The following IL1RAPL1 variants were observed in gnomAD, a reference collection of about 807,000 sequenced individuals.
IL1RAPL1 encodes interleukin-1 receptor accessory protein-like 1.
In IL1RAPL1, 3 loss-of-function variants were observed where a neutral mutation model predicts 48.4. The observed-to-expected ratio is 0.06, with a 90% CI of 0.03 to 0.16. The LOEUF (loss-of-function observed/expected upper bound fraction) is 0.16, where lower values mean the gene tolerates loss of function less well. IL1RAPL1 is among the 10% of genes least tolerant of loss of function. IL1RAPL1 has a pLI of 1.00. For missense variants in IL1RAPL1, 349 were observed against 530.6 expected, an observed-to-expected ratio of 0.66 and a Z score of 3.36; for synonymous variants, 185 against 187.7, an observed-to-expected ratio of 0.99 and a Z score of 0.12.
intron 3 of IL1RAPL1, among the ~76,000 whole-genome samples, chrX:29,363,855 C>T (rs1027308242): frequency 1.8e-5 from 2 of 111,244 alleles, no homozygotes; most frequent in African/African-American, 6.6e-5. Context: ...GATCCAATCA[C>T]CTCTCACCAG....
intron 6 of IL1RAPL1, among the ~76,000 whole-genome samples, chrX:29,813,802 C>T (rs1411650746): frequency 9.0e-6 from 1 of 111,071 alleles, no homozygotes; most frequent in Non-Finnish European, 1.9e-5. Flanking sequence ...TCTATATGTA[C>T]TCAATTTTTA....
chrX:29,887,896 G>A lies in IL1RAPL1; in HGVS notation c.779-29568G>A, dbSNP rs140810887. Among the ~76,000 whole-genome samples the A allele has an allele frequency of 8.3e-3, 920 of 111,176 alleles. 12 individuals carry two copies. Among genetic ancestry groups the A allele is most frequent in the African/African-American group, 0.028 (849 of 30,656 alleles). Reference sequence around the variant, plus strand: ...CAGAGAAGGAGAAAAGGGCTTTATCGTGAAGAAAAATGACTGATGGAGCTC... The same window carrying A: ...CAGAGAAGGAGAAAAGGGCTTTATCATGAAGAAAAATGACTGATGGAGCTC... On this transcript the variant is annotated intron_variant, in intron 6 of 10. Coordinates refer to ENST00000378993, the MANE Select transcript of IL1RAPL1 (RefSeq NM_014271.4).
At chrX:29,643,550 CAT>C (rs1367102835) in intron 5 of IL1RAPL1, among the ~76,000 whole-genome samples, 1 of 112,144 alleles carries the variant, frequency 8.9e-6, no homozygotes, top group Non-Finnish European at 1.9e-5. Flanking sequence ...AGTTAGATAA[CAT>C]ATTGCATATT....
At chrX:29,379,348 C>A (rs757516361) in intron 3 of IL1RAPL1, among the ~76,000 whole-genome samples, 4 of 112,248 alleles carry the variant, frequency 3.6e-5, no homozygotes. Flanking sequence ...TGCAGGAAAG[C>A]CAGCCCCACT....
At chrX:29,799,324 A>G (rs1167059291) in intron 6 of IL1RAPL1, among the ~76,000 whole-genome samples, 1 of 112,118 alleles carries the variant, frequency 8.9e-6, no homozygotes, top group Non-Finnish European at 1.9e-5. Context: ...TCTTTCTTTT[A>G]TAGCTTCTTC....
rs1466701805 is a variant in IL1RAPL1 at position 28,809,638 on chromosome X, T to A, written c.82+20213T>A. On this transcript the variant is annotated intron_variant, in intron 2 of 10. Coordinates refer to ENST00000378993, the MANE Select transcript of IL1RAPL1 (RefSeq NM_014271.4). Reference sequence around the variant, plus strand: ...GTTTTCAAAGGGTGCAGAGCAATGATTGGAGGAGTAAAATGGAAGGAAATG... The same window carrying A: ...GTTTTCAAAGGGTGCAGAGCAATGAATGGAGGAGTAAAATGGAAGGAAATG... Among the ~76,000 whole-genome samples, 3 of 110,453 alleles carry A rather than the reference T, an allele frequency of 2.7e-5. No individual in the cohort carries two copies. The Admixed American group carries it at 2.9e-4, about 11-fold the overall frequency.
At chrX:28,762,163 G>A (rs1465083844) in intron 1 of IL1RAPL1, among the ~76,000 whole-genome samples, 6 of 111,033 alleles carry the variant, frequency 5.4e-5, no homozygotes, top group African/African-American at 2.0e-4. Context: ...AATCCAGAAG[G>A]AAATATATGA....
At chrX:29,853,449 C>A (rs1030841777) in intron 6 of IL1RAPL1, among the ~76,000 whole-genome samples, 4 of 111,277 alleles carry the variant, frequency 3.6e-5, no homozygotes, top group African/African-American at 1.3e-4. Context: ...AAGAACAAGA[C>A]CCTGTCTCAT....
chrX:28,615,726 G>C (rs1488893908), intron 1 of IL1RAPL1, among the ~76,000 whole-genome samples: 1 of 110,613 alleles, frequency 9.0e-6, no homozygotes, highest in Non-Finnish European at 1.9e-5. Flanking sequence ...CTATTTCTGT[G>C]AGGTACCAGA....
intron 3 of IL1RAPL1, among the ~76,000 whole-genome samples, chrX:29,307,771 T>C (rs1932648305): frequency 8.9e-6 from 1 of 112,218 alleles, no homozygotes. Context: ...CAATGCTTTC[T>C]TATAGCAATC....
intron 2 of IL1RAPL1, among the ~76,000 whole-genome samples, chrX:29,074,141 T>A (rs1287759658): frequency 1.8e-5 from 2 of 111,965 alleles, no homozygotes; most frequent in Non-Finnish European, 3.8e-5. Flanking sequence ...ATTTTTCAGT[T>A]ATGGAAGGTG....
intron 6 of IL1RAPL1, among the ~76,000 whole-genome samples, chrX:29,898,392 C>T (rs953759367): frequency 8.1e-5 from 9 of 111,713 alleles, no homozygotes; most frequent in Non-Finnish European, 1.3e-4. Flanking sequence ...ATTCAGAATG[C>T]GCATCGTATC....
intron 1 of IL1RAPL1, among the ~76,000 whole-genome samples, chrX:28,705,121 A>G (rs1935360330): frequency 9.0e-6 from 1 of 111,620 alleles, no homozygotes; most frequent in African/African-American, 3.3e-5. Flanking sequence ...ATTCTTTTGG[A>G]TTGTTCTAAG....
At chrX:29,034,851 CTT>C (rs762954379) in intron 2 of IL1RAPL1, among the ~76,000 whole-genome samples, 4 of 100,030 alleles carry the variant, frequency 4.0e-5, no homozygotes, top group South Asian at 4.5e-4. Flanking sequence ...GTATTTAATT[CTT>C]TTTTTTTTTT....
intron 1 of IL1RAPL1, among the ~76,000 whole-genome samples, chrX:28,696,965 T>C (rs2146928076): frequency 8.9e-6 from 1 of 111,812 alleles, no homozygotes; most frequent in East Asian, 2.8e-4. Flanking sequence ...ATGAGCATGA[T>C]TGGGTAAAGA....
intron 6 of IL1RAPL1, among the ~76,000 whole-genome samples, chrX:29,695,765 T>TA (rs1177190795): frequency 9.0e-6 from 1 of 111,403 alleles, no homozygotes; most frequent in East Asian, 2.8e-4. Flanking sequence ...CGTTACAACA[T>TA]ATGAATTCTG....
At chrX:29,848,809 A>T (rs1412761748) in intron 6 of IL1RAPL1, among the ~76,000 whole-genome samples, 1 of 110,975 alleles carries the variant, frequency 9.0e-6, no homozygotes, top group African/African-American at 3.3e-5. Flanking sequence ...TCTGTCACCC[A>T]GGTTGGAGTG....
chrX:29,551,320 A>G lies in IL1RAPL1; in HGVS notation c.704-117110A>G, dbSNP rs16988651. Among the ~76,000 whole-genome samples, 865 of 112,198 alleles carry G rather than the reference A, an allele frequency of 7.7e-3. 5 individuals carry two copies. Among genetic ancestry groups the G allele is most frequent in the African/African-American group, 0.027 (827 of 30,880 alleles). On this transcript the variant is annotated intron_variant, in intron 5 of 10. Coordinates refer to ENST00000378993, the MANE Select transcript of IL1RAPL1 (RefSeq NM_014271.4). ...AAATATATTTTGTTACGTGCTGATGAATTGAATATGAAGACTAATAAATTG... is the reference window on the plus strand; with the variant it reads ...AAATATATTTTGTTACGTGCTGATGGATTGAATATGAAGACTAATAAATTG...
At chrX:29,363,126 G>C (rs1933399004) in intron 3 of IL1RAPL1, among the ~76,000 whole-genome samples, 1 of 111,433 alleles carries the variant, frequency 9.0e-6, no homozygotes, top group Non-Finnish European at 1.9e-5. Flanking sequence ...GGTGCCTGAG[G>C]TTCCCCTAAG....
Sources: gnomAD v4.1 joint callset for allele counts (sites outside exome capture counted in the v4.1 genomes callset) on GRCh38, gnomAD v4.1.1 for gene constraint, MANE v1.5 for transcripts, NCBI Gene and HGNC (gene_info 2026-07-23, HGNC 2026-07-21) for gene names.